The following GLIPR1 variants were observed in gnomAD, a reference collection of about 807,000 sequenced individuals.
GLIPR1 encodes the protein GLI pathogenesis related 1.
A neutral mutation model predicts 30.3 loss-of-function variants in GLIPR1; 38 were observed. That is an observed-to-expected ratio of 1.26 (90% confidence interval 0.97 to 1.65). The LOEUF is 1.65. GLIPR1 is among the 40% of genes most tolerant of loss of function. The pLI is 0.00. For missense variants in GLIPR1, 285 were observed against 326.5 expected (o/e 0.87, Z 0.98); for synonymous variants, 122 against 110.6 (o/e 1.10, Z -0.65).
Position 75,498,788 on chromosome 12 carries a change from C to T in GLIPR1, c.647-36C>T, listed in dbSNP as rs766627075. Reference sequence around the variant, plus strand: ...AATTCTGTCAGTGCATTATGAGGAACAATGTCTAAGAGGATATTCTATGTT... The same window carrying T: ...AATTCTGTCAGTGCATTATGAGGAATAATGTCTAAGAGGATATTCTATGTT... On this transcript the variant is annotated intron_variant, in intron 5 of 5. Transcript: ENST00000266659. 2.5e-6 allele frequency: 4 copies of T among 1,609,714 alleles called. No individual in the cohort carries two copies. In the South Asian group the frequency reaches 3.3e-5, roughly 13 times the overall value.
At position 75,480,984 on chromosome 12, in the gene GLIPR1, A is replaced by G; in HGVS notation, c.104A>G (p.Lys35Arg). Residue 35 changes from lysine (K) to arginine (R), a missense_variant, in exon 1 of 6, where the codon AAA (lysine) becomes AGA (arginine). Physicochemically the swap from Lys to Arg is conservative, Grantham distance 26 (BLOSUM62 2). Transcript: ENST00000266659. ...LPDIENEDFI[K>R]DCVRIHNKFR... ...GATATCGAAAATGAAGATTTCATCAAAGACTGCGTTCGAATCCATAACAAG... is the reference window on the plus strand; with the variant it reads ...GATATCGAAAATGAAGATTTCATCAGAGACTGCGTTCGAATCCATAACAAG... The G allele has an allele frequency of 1.9e-6, 3 of 1,614,020 alleles. No individual in the cohort carries two copies. The highest frequency in any genetic ancestry group is 2.5e-6 in the Non-Finnish European group (3 of 1,179,850).
At position 75,499,622 on chromosome 12, in the gene GLIPR1, C is replaced by A. The variant is rs2046376507; in HGVS notation, c.*644C>A. ...TATACAAAGACTTATATACCACTTTCTCGTATAAATTTTTCAAAAAATACA... is the reference window on the plus strand; with the variant it reads ...TATACAAAGACTTATATACCACTTTATCGTATAAATTTTTCAAAAAATACA... On this transcript the variant is annotated 3_prime_UTR_variant, in exon 6 of 6. Coordinates refer to ENST00000266659, the MANE Select transcript of GLIPR1 (RefSeq NM_006851.3). The A allele has an allele frequency of 5.7e-6, 2 of 348,238 alleles. No individual in the cohort carries two copies. The highest frequency in any genetic ancestry group is 5.2e-5 in the East Asian group (1 of 19,158). 21.6% of individuals were successfully genotyped at this position (348,238 alleles called of 1,614,324 possible). A position where few individuals can be genotyped will look rare whatever the true frequency, so the allele number is the denominator to read the frequency against.
intron 2 of GLIPR1, among the ~76,000 whole-genome samples, chr12:75,482,599 TCC>T: frequency 6.6e-6 from 1 of 152,186 alleles, no homozygotes; most frequent in East Asian, 1.9e-4. Context: ...AAAAAGTCAG[TCC>T]CAGGCCAACA....
At position 75,480,909 on chromosome 12, in the gene GLIPR1, G is replaced by A; in HGVS notation, c.29G>A (p.Trp10Ter). The A allele has an allele frequency of 3.7e-6, 6 of 1,613,422 alleles. No individual in the cohort carries two copies. Among genetic ancestry groups the A allele is most frequent in the Non-Finnish European group, 5.1e-6 (6 of 1,179,612 alleles). ...CGTGTCACACTTGCTACAATAGCCT[G>A]GATGGTTTCTTTTGTCTCCAATTAT... Reference protein sequence around the residue: MRVTLATIAWMVSFVSNYSH... With the variant: MRVTLATIA Residue 10 changes from tryptophan to a stop codon, truncating the protein, a stop_gained, in exon 1 of 6, where the codon TGG becomes TAG. Transcript: ENST00000266659. LOFTEE classifies it high-confidence loss of function.
rs1566101406 is a variant in GLIPR1 at position 75,498,727 on chromosome 12, A to ACAT, written c.646+10_646+12dup. On this transcript the variant is annotated splice_region_variant and intron_variant, in intron 5 of 5. Coordinates refer to ENST00000266659, the MANE Select transcript of GLIPR1 (RefSeq NM_006851.3). Reference sequence around the variant, plus strand: ...CAGCGAGACCAAGTCAAACGTACGTACATCAATCTTAAATTGTTTCATTAA... The same window carrying ACAT: ...CAGCGAGACCAAGTCAAACGTACGTACATCATCAATCTTAAATTGTTTCATTAA... 2 of 1,612,440 alleles carry ACAT rather than the reference A, an allele frequency of 1.2e-6. No individual in the cohort carries two copies. The highest frequency in any genetic ancestry group is 1.7e-5 in the Admixed American group (1 of 59,946).
Position 75,490,448 on chromosome 12 carries a change from T to C in GLIPR1, c.463T>C (p.Phe155Leu), listed in dbSNP as rs1385820990. The change falls in exon 3 of 6, where the codon TTT becomes CTT. Residue 155 changes from phenylalanine to leucine, a missense_variant. Physicochemically the swap from Phe to Leu is conservative, Grantham distance 22 (BLOSUM62 0). Coordinates refer to ENST00000266659, the MANE Select transcript of GLIPR1 (RefSeq NM_006851.3). ...DSYKVGCAVQ[F>L]CPKVSGFDAL... ...TTACAAAGTTGGCTGCGCAGTTCAA[T>C]TTTGCCCTAAAGTTTCTGGCTTTGA... 1 of 1,608,782 alleles carries C rather than the reference T, an allele frequency of 6.2e-7. No individual in the cohort carries two copies. Among genetic ancestry groups the C allele is most frequent in the Non-Finnish European group, 8.5e-7 (1 of 1,175,916 alleles).
chr12:75,495,185 A>T (rs1594061229), intron 3 of GLIPR1: 2 of 153,628 alleles, frequency 1.3e-5, no homozygotes, highest in East Asian at 3.8e-4. Context: ...AAATGGCAGT[A>T]ATCATATAGG....
chr12:75,488,334 T>G (rs2046303078), intron 2 of GLIPR1, among the ~76,000 whole-genome samples: 1 of 151,932 alleles, frequency 6.6e-6, no homozygotes, highest in African/African-American at 2.4e-5. Context: ...GGTCAGTAGT[T>G]TGAGACCAGC....
intron 3 of GLIPR1, chr12:75,494,136 C>T (rs1170774559): frequency 1.3e-5 from 2 of 151,752 alleles, no homozygotes. Flanking sequence ...AAATTTGGAG[C>T]AAAATGAGAT....
At position 75,499,406 on chromosome 12, in the gene GLIPR1, C is replaced by G. The variant is rs538747415; in HGVS notation, c.*428C>G. On this transcript the variant is annotated 3_prime_UTR_variant, in exon 6 of 6. Transcript: ENST00000266659. ...CCCCAGATTCAGAACAGAGGAGTAACTAGGGGATCTGATTTTAGAGGCCTT... is the reference window on the plus strand; with the variant it reads ...CCCCAGATTCAGAACAGAGGAGTAAGTAGGGGATCTGATTTTAGAGGCCTT... 1.2e-5 allele frequency: 2 copies of G among 160,178 alleles called. No homozygotes were observed. Among genetic ancestry groups the G allele is most frequent in the South Asian group, 2.0e-4 (1 of 5,074 alleles). 9.9% of individuals were successfully genotyped at this position (160,178 alleles called of 1,614,324 possible).
At chr12:75,490,757 A>C in intron 3 of GLIPR1, 1 of 364,504 alleles carries the variant, frequency 2.7e-6, no homozygotes, top group Admixed American at 4.3e-5. Context: ...TCCTTTATAT[A>C]TACTACCTAA....
chr12:75,499,688 C>A lies in GLIPR1; in HGVS notation c.*710C>A, dbSNP rs972638034. On this transcript the variant is annotated 3_prime_UTR_variant, in exon 6 of 6. Coordinates refer to ENST00000266659, the MANE Select transcript of GLIPR1 (RefSeq NM_006851.3). ...ATAAAGAACACTCTTCTATGAACAA[C>A]CACCACCACCAAAAAAAAAAAAAGC... is the stretch of plus-strand genomic sequence containing the variant. The A allele has an allele frequency of 1.8e-6, 1 of 562,914 alleles. No homozygotes were observed. Among genetic ancestry groups the A allele is most frequent in the Non-Finnish European group, 2.9e-6 (1 of 343,042 alleles). The allele number at this position is 562,914 out of a possible 1,614,324, so 34.9% of individuals were successfully genotyped here.
At chr12:75,486,738 A>C (rs137924765) in intron 2 of GLIPR1, among the ~76,000 whole-genome samples, 57 of 152,356 alleles carry the variant, frequency 3.7e-4, no homozygotes, top group Admixed American at 8.5e-4. Context: ...CTATATTTAG[A>C]CTGATTCCAT....
Position 75,495,720 on chromosome 12 carries a change from A to AC in GLIPR1, c.619+59dup, listed in dbSNP as rs535573464. 491 of 980,982 alleles carry AC rather than the reference A, an allele frequency of 5.0e-4. 3 individuals carry two copies. In the African/African-American group the frequency reaches 7.3e-3, roughly 15 times the overall value. The allele number at this position is 980,982 out of a possible 1,614,324, so 60.8% of individuals were successfully genotyped here. A position where few individuals can be genotyped will look rare whatever the true frequency, so the allele number is the denominator to read the frequency against. On this transcript the variant is annotated intron_variant, in intron 4 of 5. Coordinates refer to ENST00000266659, the MANE Select transcript of GLIPR1 (RefSeq NM_006851.3). ...ACATAATAGTAACATGTAACTTTCT[A>AC]CAGAATTAACAATGAAACCATGTTT...
Position 75,480,954 on chromosome 12 carries a change from T to G in GLIPR1, c.74T>G (p.Leu25Trp). 1.2e-6 allele frequency: 2 copies of G among 1,613,826 alleles called. No individual in the cohort carries two copies. Among genetic ancestry groups the G allele is most frequent in the Non-Finnish European group, 1.7e-6 (2 of 1,179,732 alleles). ...AATTATTCACACACAGCAAATATTT[T>G]GCCAGATATCGAAAATGAAGATTTC... ...VSNYSHTANILPDIENEDFIK... is the reference protein window; with the variant it reads ...VSNYSHTANIWPDIENEDFIK... The change falls in exon 1 of 6, where the codon TTG (leucine) becomes TGG (tryptophan). Residue 25 changes from leucine (L) to tryptophan (W), a missense_variant. Coordinates refer to ENST00000266659, the MANE Select transcript of GLIPR1 (RefSeq NM_006851.3).
Position 75,502,198 on chromosome 12 carries a change from C to T in GLIPR1, c.*3220C>T, listed in dbSNP as rs2046399119. On this transcript the variant is annotated 3_prime_UTR_variant, in exon 6 of 6. Coordinates refer to ENST00000266659, the MANE Select transcript of GLIPR1 (RefSeq NM_006851.3). ...AAGTGTGGAGGTAGGAAAGCACCTC[C>T]ATGGAATACAACCCAGAGTAGTTCA... The T allele has an allele frequency of 5.6e-6, 3 of 538,150 alleles. No homozygotes were observed. The highest frequency in any genetic ancestry group is 9.9e-6 in the Non-Finnish European group (3 of 302,844). 33.3% of individuals were successfully genotyped at this position (538,150 alleles called of 1,614,324 possible).
intron 2 of GLIPR1, among the ~76,000 whole-genome samples, chr12:75,488,181 C>A (rs2046302217): frequency 6.6e-6 from 1 of 152,168 alleles, no homozygotes; most frequent in East Asian, 1.9e-4. Flanking sequence ...CTTAGAATGC[C>A]TAACCGTCTG....
chr12:75,485,699 C>A (rs1251869885), intron 2 of GLIPR1, among the ~76,000 whole-genome samples: 2 of 151,160 alleles, frequency 1.3e-5, no homozygotes. Flanking sequence ...TACAGGCGCC[C>A]GCCACTACGC....
In GLIPR1 at chr12:75,502,467, G is replaced by A. The variant is rs1054272708; in HGVS notation, c.*3489G>A. ...GCAGAATAAAAGCCAGAACTATCAG[G>A]AATTGGTGACTAATTAGCAAAAGCA... On this transcript the variant is annotated 3_prime_UTR_variant, in exon 6 of 6. Coordinates refer to ENST00000266659, the MANE Select transcript of GLIPR1 (RefSeq NM_006851.3). The A allele has an allele frequency of 2.0e-5, 3 of 153,722 alleles. No homozygotes were observed. In the Admixed American group the frequency reaches 2.0e-4, roughly 10 times the overall value. The allele number at this position is 153,722 out of a possible 1,614,324, so 9.5% of individuals were successfully genotyped here.
Sources: gnomAD v4.1 joint callset for allele counts (sites outside exome capture counted in the v4.1 genomes callset) on GRCh38, gnomAD v4.1.1 for gene constraint, MANE v1.5 for transcripts, NCBI Gene and HGNC (gene_info 2026-07-23, HGNC 2026-07-21) for gene names.